POC1A: variants seen among roughly 807,000 people sequenced by gnomAD.
POC1A encodes POC1 centriolar protein A, also known as POC1 centriolar protein homolog A.
A neutral mutation model predicts 47.8 loss-of-function variants in POC1A; 34 were observed. That is an observed-to-expected ratio of 0.71 (90% CI 0.54 to 0.95). The LOEUF is 0.95. POC1A is among the 40% of genes least tolerant of loss of function. POC1A has a pLI of 0.00. For synonymous variants in POC1A, 177 were observed against 207.6 expected (o/e 0.85, Z 1.27); for missense variants, 466 against 528.3 (o/e 0.88, Z 1.16).
At chr3:52,122,698 T>G (rs936879813) in intron 8 of POC1A, among the ~76,000 whole-genome samples, 2 of 152,218 alleles carry the variant, frequency 1.3e-5, no homozygotes, top group Non-Finnish European at 2.9e-5. Context: ...CAGGATGGAC[T>G]ACCACGGCGT....
intron 10 of POC1A, among the ~76,000 whole-genome samples, chr3:52,088,014 C>T (rs1322068752): frequency 6.6e-6 from 1 of 152,194 alleles, no homozygotes. Context: ...TGACCTTGGC[C>T]GCCTTCTGCA....
At chr3:52,078,586 C>T (rs1402087037) in intron 10 of POC1A, among the ~76,000 whole-genome samples, 9 of 149,242 alleles carry the variant, frequency 6.0e-5, no homozygotes, top group Non-Finnish European at 1.2e-4. Context: ...TCTCGGCTCA[C>T]GACAAGCTCC....
At chr3:52,087,521 T>C (rs189749028) in intron 10 of POC1A, among the ~76,000 whole-genome samples, 12 of 152,300 alleles carry the variant, frequency 7.9e-5, no homozygotes, top group African/African-American at 2.9e-4. Context: ...AGGATTTCTC[T>C]GACGGTTTTG....
At chr3:52,127,221 C>A (rs1486116798) in intron 7 of POC1A, among the ~76,000 whole-genome samples, 3 of 152,176 alleles carry the variant, frequency 2.0e-5, no homozygotes, top group African/African-American at 2.4e-5. Flanking sequence ...ACATCACGGG[C>A]TGTGTGGCCC....
chr3:52,102,550 G>A (rs887226217), intron 9 of POC1A, among the ~76,000 whole-genome samples: 4 of 152,134 alleles, frequency 2.6e-5, no homozygotes, highest in African/African-American at 9.7e-5. Context: ...AATCCAAGAC[G>A]ATCTCACCTT....
intron 6 of POC1A, among the ~76,000 whole-genome samples, chr3:52,140,285 C>T (rs1160153238): frequency 2.0e-5 from 3 of 152,196 alleles, no homozygotes; most frequent in African/African-American, 2.4e-5. Context: ...CTCCAAGCGC[C>T]AGGATCTCCA....
intron 7 of POC1A, among the ~76,000 whole-genome samples, chr3:52,131,066 A>T (rs1484417061): frequency 6.6e-6 from 1 of 151,816 alleles, no homozygotes; most frequent in East Asian, 1.9e-4. Flanking sequence ...CAGCTCAGTC[A>T]CTCTACAGCG....
chr3:52,149,441 G>T, intron 3 of POC1A, 52 bp from the exon 4 acceptor site: 1 of 1,550,790 alleles, frequency 6.4e-7, no homozygotes, highest in Non-Finnish European at 8.9e-7. Flanking sequence ...TGACATGAGA[G>T]CCCACAAGCA....
intron 9 of POC1A, among the ~76,000 whole-genome samples, chr3:52,112,739 C>T (rs553756434): frequency 6.6e-6 from 1 of 152,106 alleles, no homozygotes; most frequent in Non-Finnish European, 1.5e-5. Context: ...CAGTGGGCTG[C>T]GAGGGACACT....
At chr3:52,093,143 C>G (rs1020442851) in intron 10 of POC1A, among the ~76,000 whole-genome samples, 19 of 152,334 alleles carry the variant, frequency 1.2e-4, no homozygotes, top group South Asian at 4.1e-4. Flanking sequence ...CTTCTGTTAC[C>G]CCACACCAGA....
chr3:52,151,265 A>T (rs955540948), intron 1 of POC1A, 165 bp from the exon 2 acceptor site: 2 of 996,434 alleles, frequency 2.0e-6, no homozygotes, highest in South Asian at 3.8e-5. Context: ...AGTTTTTACT[A>T]GGAATAGTTT....
intron 8 of POC1A, among the ~76,000 whole-genome samples, chr3:52,124,912 G>A (rs1577881634): frequency 1.3e-5 from 2 of 152,198 alleles, no homozygotes; most frequent in East Asian, 3.8e-4. Flanking sequence ...GTCGGCACCT[G>A]CAGGAGGCCC....
intron 6 of POC1A, among the ~76,000 whole-genome samples, chr3:52,143,904 AG>A (rs1473276454): frequency 6.6e-6 from 1 of 152,140 alleles, no homozygotes; most frequent in Admixed American, 6.5e-5. Flanking sequence ...GCCCTTCCCA[AG>A]GGGTACCTGC....
At chr3:52,112,186 C>T (rs1030936959) in intron 9 of POC1A, among the ~76,000 whole-genome samples, 1 of 152,190 alleles carries the variant, frequency 6.6e-6, no homozygotes, top group Non-Finnish European at 1.5e-5. Flanking sequence ...CAGGGTCTCA[C>T]GCTGTCACCC....
intron 6 of POC1A, among the ~76,000 whole-genome samples, chr3:52,144,759 T>C (rs1295095332): frequency 1.3e-5 from 2 of 152,220 alleles, no homozygotes; most frequent in Non-Finnish European, 2.9e-5. Flanking sequence ...CTCCACCATG[T>C]GCTGTTCAAG....
At chr3:52,134,629 CTGAA>C (rs1219729667) in intron 7 of POC1A, among the ~76,000 whole-genome samples, 1 of 152,172 alleles carries the variant, frequency 6.6e-6, no homozygotes, top group East Asian at 1.9e-4. Flanking sequence ...GAAACTGTCT[CTGAA>C]TGAATGAATG....
At chr3:52,119,386 CAGA>C (rs1403751716) in intron 9 of POC1A, among the ~76,000 whole-genome samples, 3 of 151,672 alleles carry the variant, frequency 2.0e-5, no homozygotes, top group African/African-American at 4.8e-5. Flanking sequence ...TTGGCAGCAT[CAGA>C]AGACTTTTTT....
intron 9 of POC1A, among the ~76,000 whole-genome samples, chr3:52,097,240 G>A (rs111638385): frequency 9.9e-5 from 15 of 152,236 alleles, no homozygotes; most frequent in Non-Finnish European, 2.9e-5. Flanking sequence ...GTGGAAGTGT[G>A]TGTGTGGCGG....
chr3:52,127,427 G>A (rs1279681067), intron 7 of POC1A, among the ~76,000 whole-genome samples: 1 of 147,790 alleles, frequency 6.8e-6, no homozygotes, highest in Non-Finnish European at 1.5e-5. Context: ...GTCTCGCTCT[G>A]TTGCCCGGGC....
Sources: allele counts gnomAD v4.1 joint callset (sites outside exome capture counted in the v4.1 genomes callset), GRCh38; gene constraint gnomAD v4.1.1; transcripts MANE v1.5; gene names NCBI Gene and HGNC (gene_info 2026-07-23, HGNC 2026-07-21).